ARL15: variants seen among roughly 807,000 people sequenced by gnomAD.
ARL15 encodes the protein ADP-ribosylation factor-like protein 15.
ARL15 carries 19 observed loss-of-function variants against 25.2 expected under a neutral mutation model. The observed-to-expected ratio is 0.75, with a 90% CI of 0.53 to 1.10. The LOEUF is 1.10. Among genes scored for constraint, ARL15 ranks in the 50% least tolerant of loss-of-function variants. ARL15 has a pLI of 0.00. For missense variants in ARL15, 220 were observed against 246.0 expected (o/e 0.89, Z 0.71); for synonymous variants, 94 against 86.8 (o/e 1.08, Z -0.46).
chr5:54,132,506 G>C (rs1301188212), intron 3 of ARL15, among the ~76,000 whole-genome samples: 1 of 151,760 alleles, frequency 6.6e-6, no homozygotes, highest in Admixed American at 6.6e-5. Context: ...AAATTACAAA[G>C]GAGATACAAA....
intron 3 of ARL15, among the ~76,000 whole-genome samples, chr5:54,140,645 C>A (rs536872540): frequency 6.6e-6 from 1 of 152,092 alleles, no homozygotes; most frequent in East Asian, 1.9e-4. Flanking sequence ...ACAATCTCAA[C>A]CAGGCATTTT....
intron 4 of ARL15, among the ~76,000 whole-genome samples, chr5:54,030,649 G>C (rs1433355654): frequency 1.3e-5 from 2 of 152,150 alleles, no homozygotes; most frequent in South Asian, 4.1e-4. Context: ...GCCAAGAACA[G>C]AGAGAGAACC....
intron 4 of ARL15, among the ~76,000 whole-genome samples, chr5:54,017,658 C>A (rs1749468059): frequency 6.6e-6 from 1 of 151,616 alleles, no homozygotes; most frequent in Non-Finnish European, 1.5e-5. Context: ...CACAACAAAC[C>A]CTCCCAAAGG....
chr5:54,291,254 G>A (rs1403808770), intron 1 of ARL15, among the ~76,000 whole-genome samples: 1 of 152,166 alleles, frequency 6.6e-6, no homozygotes, highest in African/African-American at 2.4e-5. Flanking sequence ...GATGAGAAAA[G>A]AGAACAGATA....
chr5:54,077,379 G>A (rs1011043859), intron 4 of ARL15, among the ~76,000 whole-genome samples: 1 of 152,160 alleles, frequency 6.6e-6, no homozygotes, highest in Non-Finnish European at 1.5e-5. Context: ...ACTTTTCAGA[G>A]ATTAATCACT....
chr5:54,216,167 G>A (rs1756201094), intron 1 of ARL15, among the ~76,000 whole-genome samples: 1 of 152,122 alleles, frequency 6.6e-6, no homozygotes, highest in African/African-American at 2.4e-5. Context: ...ATGAATACTA[G>A]TCTCTAGAAT....
chr5:54,055,670 T>C (rs1437971699), intron 4 of ARL15, among the ~76,000 whole-genome samples: 2 of 151,962 alleles, frequency 1.3e-5, no homozygotes, highest in African/African-American at 2.4e-5. Context: ...CTATCATTCC[T>C]TTCTATTGCC....
At chr5:54,082,293 T>G (rs1039618291) in intron 4 of ARL15, among the ~76,000 whole-genome samples, 5 of 152,190 alleles carry the variant, frequency 3.3e-5, no homozygotes, top group African/African-American at 1.2e-4. Context: ...AGGAGAATGC[T>G]CCACTGTTGG....
chr5:54,184,901 G>A (rs1755192512), intron 1 of ARL15, among the ~76,000 whole-genome samples: 1 of 151,994 alleles, frequency 6.6e-6, no homozygotes, highest in Non-Finnish European at 1.5e-5. Context: ...ATTAGTTCAG[G>A]TCTTATCCTA....
At chr5:53,887,371 A>G (rs1451259303) in intron 4 of ARL15, 1 of 699,946 alleles carries the variant, frequency 1.4e-6, no homozygotes, top group African/African-American at 1.8e-5. Context: ...TTTCTTTTTC[A>G]GTCCTGAATT....
At chr5:54,182,737 G>C (rs1394698778) in intron 1 of ARL15, among the ~76,000 whole-genome samples, 5 of 152,068 alleles carry the variant, frequency 3.3e-5, no homozygotes, top group African/African-American at 1.2e-4. Flanking sequence ...AATTACCTTG[G>C]GCAGTATGGC....
rs114150761 is a variant in ARL15, at chr5:54,168,250, A to G, written c.193+3534T>C. Among the ~76,000 whole-genome samples the G allele has an allele frequency of 2.5e-3, 387 of 152,140 alleles. 4 individuals carry two copies. Among genetic ancestry groups the G allele is most frequent in the African/African-American group, 8.1e-3 (337 of 41,510 alleles). On this transcript the variant is annotated intron_variant, in intron 2 of 4. Coordinates refer to ENST00000504924, the MANE Select transcript of ARL15 (RefSeq NM_019087.3). ...ATTACCCCTGGACAAGCTCATCCAA[A>G]TCTATGACTGAGTTGTCTCTCAAAT...
intron 1 of ARL15, among the ~76,000 whole-genome samples, chr5:54,236,686 C>T (rs981571530): frequency 3.9e-5 from 6 of 152,216 alleles, no homozygotes; most frequent in African/African-American, 1.4e-4. Context: ...GTGTTTCACT[C>T]TCTAATCATA....
At chr5:53,983,423 G>A (rs1482460858) in intron 4 of ARL15, among the ~76,000 whole-genome samples, 1 of 152,116 alleles carries the variant, frequency 6.6e-6, no homozygotes, top group Non-Finnish European at 1.5e-5. Context: ...GAAATTTTCA[G>A]TTTGGGGACT....
At chr5:53,945,203 C>T (rs1746682094) in intron 4 of ARL15, among the ~76,000 whole-genome samples, 1 of 152,192 alleles carries the variant, frequency 6.6e-6, no homozygotes. Flanking sequence ...CTTTCATGTT[C>T]TGTACTTCCT....
chr5:54,169,989 A>C (rs1754671749), intron 2 of ARL15, among the ~76,000 whole-genome samples: 1 of 152,208 alleles, frequency 6.6e-6, no homozygotes, highest in South Asian at 2.1e-4. Context: ...TAAAATCTGA[A>C]AAGCTCTCAA....
intron 4 of ARL15, among the ~76,000 whole-genome samples, chr5:54,005,504 C>G (rs1748998775): frequency 6.6e-6 from 1 of 151,540 alleles, no homozygotes; most frequent in Admixed American, 6.6e-5. Context: ...GGTGGATCAC[C>G]TGAGGTCAGG....
chr5:54,051,801 T>C (rs1750708190), intron 4 of ARL15, among the ~76,000 whole-genome samples: 1 of 152,204 alleles, frequency 6.6e-6, no homozygotes, highest in South Asian at 2.1e-4. Flanking sequence ...ATTTACTCAA[T>C]TGATTTTAAA....
At chr5:53,985,936 C>T (rs1748284166) in intron 4 of ARL15, among the ~76,000 whole-genome samples, 1 of 152,198 alleles carries the variant, frequency 6.6e-6, no homozygotes, top group South Asian at 2.1e-4. Context: ...ACAGCCTTCA[C>T]TGCCTGATGT....
Sources: allele counts gnomAD v4.1 joint callset (sites outside exome capture counted in the v4.1 genomes callset), GRCh38; gene constraint gnomAD v4.1.1; transcripts MANE v1.5; gene names NCBI Gene and HGNC (gene_info 2026-07-23, HGNC 2026-07-21).